The following CNTLN variants were observed in gnomAD, a reference collection of about 807,000 sequenced individuals.
CNTLN encodes centlein, centrosomal protein.
Under a neutral mutation model 180.0 loss-of-function variants are expected in CNTLN, and 212 were observed. The ratio of observed to expected loss-of-function variants is 1.18; its 90% CI spans 1.05 to 1.32. The LOEUF is 1.32. Ranked by LOEUF, CNTLN falls within the 40% of genes most tolerant of loss-of-function variation. The probability of loss-of-function intolerance (pLI) is 0.00; values close to 1 mark genes in which losing one functional copy is unlikely to be tolerated. For synonymous variants in CNTLN, 722 were observed against 563.1 expected, an observed-to-expected ratio of 1.28 and a Z score of -3.99; for missense variants, 2,095 against 1,610.9, an observed-to-expected ratio of 1.30 and a Z score of -5.14.
At chr9:17,270,808 T>G (rs1005555088) in intron 5 of CNTLN, among the ~76,000 whole-genome samples, 1 of 152,100 alleles carries the variant, frequency 6.6e-6, no homozygotes, top group African/African-American at 2.4e-5. Flanking sequence ...TTTCTATTTT[T>G]TCTTTTTTTG....
intron 3 of CNTLN, among the ~76,000 whole-genome samples, chr9:17,232,173 A>C (rs1245920318): frequency 6.6e-6 from 1 of 152,060 alleles, no homozygotes; most frequent in African/African-American, 2.4e-5. Flanking sequence ...GTTGATTTAT[A>C]CAAACTTTTA....
rs866118114 is a variant in CNTLN at position 17,389,255 on chromosome 9, C to G, written c.2079+1002C>G. ...ATAGTAACACAGAGAACTAGAAATG[C>G]TTACATTCATTTATCTTTAGGTAAA... On this transcript the variant is annotated intron_variant, in intron 14 of 25. Coordinates refer to ENST00000380647, the MANE Select transcript of CNTLN (RefSeq NM_017738.4). Among the ~76,000 whole-genome samples the G allele has an allele frequency of 8.5e-5, 13 of 152,110 alleles. 1 individual carries two copies. The highest frequency in any genetic ancestry group is 3.4e-3 in the Middle Eastern group (1 of 292).
intron 18 of CNTLN, among the ~76,000 whole-genome samples, chr9:17,422,264 T>G (rs1357858817): frequency 1.3e-5 from 2 of 152,182 alleles, no homozygotes; most frequent in Non-Finnish European, 2.9e-5. Context: ...GTATTAGAGC[T>G]CTTTTATACG....
intron 13 of CNTLN, among the ~76,000 whole-genome samples, chr9:17,382,704 C>G (rs1485010319): frequency 1.3e-5 from 2 of 152,116 alleles, no homozygotes; most frequent in African/African-American, 4.8e-5. Flanking sequence ...TCGTTTTATA[C>G]TACTTACAAT....
intron 2 of CNTLN, among the ~76,000 whole-genome samples, chr9:17,207,000 A>G (rs1394429819): frequency 6.6e-6 from 1 of 152,072 alleles, no homozygotes; most frequent in Non-Finnish European, 1.5e-5. Flanking sequence ...TGCACTGATG[A>G]GTAGTGGACT....
intron 2 of CNTLN, among the ~76,000 whole-genome samples, chr9:17,165,419 T>C (rs914382665): frequency 6.6e-6 from 1 of 152,174 alleles, no homozygotes; most frequent in African/African-American, 2.4e-5. Flanking sequence ...AATTCTAGAA[T>C]GATGTAAGGT....
At chr9:17,457,400 C>T (rs745866587) in intron 18 of CNTLN, 124 bp from the exon 19 acceptor site, 493 of 540,638 alleles carry the variant, frequency 9.1e-4, no homozygotes, top group Middle Eastern at 1.8e-3. Context: ...TGTATAATAA[C>T]TATAATTAAT....
chr9:17,281,572 T>C, intron 6 of CNTLN, among the ~76,000 whole-genome samples: 1 of 152,158 alleles, frequency 6.6e-6, no homozygotes, highest in Non-Finnish European at 1.5e-5. Flanking sequence ...TTGCTGACGA[T>C]AATGGCTTCC....
chr9:17,222,418 G>T (rs551073197), intron 2 of CNTLN, among the ~76,000 whole-genome samples: 1 of 152,074 alleles, frequency 6.6e-6, no homozygotes, highest in East Asian at 1.9e-4. Context: ...GGACCTAGTG[G>T]GTAATAATTT....
intron 2 of CNTLN, among the ~76,000 whole-genome samples, chr9:17,194,430 A>G (rs1306730473): frequency 6.6e-6 from 1 of 152,174 alleles, no homozygotes; most frequent in Non-Finnish European, 1.5e-5. Context: ...ATCTCTCTCA[A>G]GTTCAAAGTT....
intron 1 of CNTLN, among the ~76,000 whole-genome samples, chr9:17,138,148 T>C (rs1055319942): frequency 5.9e-5 from 9 of 152,198 alleles, no homozygotes; most frequent in Admixed American, 2.0e-4. Flanking sequence ...CACTACACTT[T>C]TAATTTTGAT....
the CNTLN span, among the ~76,000 whole-genome samples, chr9:17,517,280 T>C: frequency 6.6e-6 from 1 of 151,622 alleles, no homozygotes; most frequent in Non-Finnish European, 1.5e-5. Context: ...TAGTCCCAAC[T>C]ACTGGTGAGG....
chr9:17,393,016 C>T (rs565589573), intron 14 of CNTLN, among the ~76,000 whole-genome samples: 1 of 152,118 alleles, frequency 6.6e-6, no homozygotes, highest in Admixed American at 6.6e-5. Context: ...AATGCTAAAA[C>T]TGAGAGGATT....
chr9:17,297,706 A>G (rs1818047300), intron 6 of CNTLN, among the ~76,000 whole-genome samples: 1 of 152,238 alleles, frequency 6.6e-6, no homozygotes, highest in South Asian at 2.1e-4. Context: ...CCCTGAGGTT[A>G]CAAACTAGAA....
At position 17,422,367 on chromosome 9, in the gene CNTLN, G is replaced by T. The variant is rs1828781428; in HGVS notation, c.3114+6178G>T. ...AAGTGCCTTGAGGTAGTCTTCTTTG[G>T]GTTAAATCTCTTATTTGGTTTAATT... is the stretch of plus-strand genomic sequence containing the variant. On this transcript the variant is annotated intron_variant, in intron 18 of 25. Coordinates refer to ENST00000380647, the MANE Select transcript of CNTLN (RefSeq NM_017738.4). Among the ~76,000 whole-genome samples the T allele has an allele frequency of 2.0e-5, 3 of 151,742 alleles. No homozygotes were observed. In the South Asian group the frequency reaches 6.3e-4, roughly 32 times the overall value.
At chr9:17,468,634 A>C (rs1048252741) in intron 23 of CNTLN, among the ~76,000 whole-genome samples, 1 of 151,642 alleles carries the variant, frequency 6.6e-6, no homozygotes, top group East Asian at 1.9e-4. Context: ...GATGAATGAG[A>C]ATCAGAAGTT....
intron 5 of CNTLN, among the ~76,000 whole-genome samples, chr9:17,248,006 A>G (rs899594607): frequency 6.6e-6 from 1 of 151,754 alleles, no homozygotes; most frequent in Admixed American, 6.6e-5. Flanking sequence ...AATTATTTGT[A>G]GAGACAGGGT....
At chr9:17,296,108 T>A (rs1478944271) in intron 6 of CNTLN, among the ~76,000 whole-genome samples, 1 of 151,550 alleles carries the variant, frequency 6.6e-6, no homozygotes, top group Non-Finnish European at 1.5e-5. Flanking sequence ...GATCAAATGA[T>A]TCCTCTGCCT....
chr9:17,300,100 T>A (rs2132814754), intron 7 of CNTLN: 1 of 152,288 alleles, frequency 6.6e-6, no homozygotes, highest in East Asian at 1.9e-4. Context: ...CTGAAGTGCT[T>A]GGAACCTGAA....
Sources: gnomAD v4.1 joint callset for allele counts (sites outside exome capture counted in the v4.1 genomes callset) on GRCh38, gnomAD v4.1.1 for gene constraint, MANE v1.5 for transcripts, NCBI Gene and HGNC (gene_info 2026-07-23, HGNC 2026-07-21) for gene names.